PRIMPOL: variants seen among roughly 807,000 people sequenced by gnomAD.
The protein encoded by PRIMPOL is primase and DNA directed polymerase.
Under a neutral mutation model 63.6 loss-of-function variants are expected in PRIMPOL, and 54 were observed. That is an observed-to-expected ratio of 0.85 (90% CI 0.68 to 1.07). PRIMPOL has a LOEUF of 1.07. PRIMPOL is among the 50% of genes least tolerant of loss of function. The pLI is 0.00. For missense variants in PRIMPOL, 610 were observed against 648.3 expected, an observed-to-expected ratio of 0.94 and a Z score of 0.64; for synonymous variants, 197 against 220.2, an observed-to-expected ratio of 0.89 and a Z score of 0.93.
At chr4:184,693,816 C>T (rs539003981) in intron 13 of PRIMPOL, among the ~76,000 whole-genome samples, 35 of 152,294 alleles carry the variant, frequency 2.3e-4, no homozygotes, top group African/African-American at 7.5e-4. Context: ...TATTTAAGCA[C>T]GTAGCGGAAA....
At chr4:184,689,016 C>A (rs1179604088) in intron 11 of PRIMPOL, among the ~76,000 whole-genome samples, 2 of 151,196 alleles carry the variant, frequency 1.3e-5, no homozygotes, top group East Asian at 1.9e-4. Flanking sequence ...TTCTTAAATA[C>A]AATTACTTAT....
intron 6 of PRIMPOL, among the ~76,000 whole-genome samples, chr4:184,670,669 C>T (rs959380125): frequency 1.3e-5 from 2 of 151,970 alleles, no homozygotes; most frequent in Non-Finnish European, 1.5e-5. Flanking sequence ...TTGCCTCAGC[C>T]TCCAGGTAGC....
chr4:184,677,691 T>C (rs1754490484), intron 7 of PRIMPOL, among the ~76,000 whole-genome samples: 1 of 152,212 alleles, frequency 6.6e-6, no homozygotes, highest in South Asian at 2.1e-4. Context: ...GCTAGAATTT[T>C]TATTTGGATT....
intron 5 of PRIMPOL, among the ~76,000 whole-genome samples, chr4:184,662,483 T>C (rs1438736588): frequency 6.6e-6 from 1 of 152,164 alleles, no homozygotes; most frequent in Non-Finnish European, 1.5e-5. Flanking sequence ...AGTTCTTTAT[T>C]TTTGATTTAG....
intron 2 of PRIMPOL, among the ~76,000 whole-genome samples, chr4:184,654,895 A>G (rs1745867202): frequency 6.6e-6 from 1 of 152,158 alleles, no homozygotes. Context: ...TGGATTAGGT[A>G]TAACTCTGAG....
chr4:184,669,078 T>C (rs1433517473), intron 6 of PRIMPOL, among the ~76,000 whole-genome samples: 1 of 152,140 alleles, frequency 6.6e-6, no homozygotes, highest in Non-Finnish European at 1.5e-5. Context: ...CTCCTTACCA[T>C]TCGTGCATTC....
intron 6 of PRIMPOL, 150 bp downstream of exon 6, chr4:184,666,214 C>T (rs1749841980): frequency 3.4e-6 from 2 of 580,976 alleles, no homozygotes; most frequent in Admixed American, 7.2e-5. Context: ...TGGCTCACAC[C>T]TGCAATTCTA....
At chr4:184,650,255 A>C (rs1743829130) in intron 1 of PRIMPOL, among the ~76,000 whole-genome samples, 1 of 152,268 alleles carries the variant, frequency 6.6e-6, no homozygotes, top group African/African-American at 2.4e-5. Context: ...GTAGCATTTA[A>C]CATCATGAGG....
In PRIMPOL at chr4:184,676,020, A is replaced by C. The variant is rs138308461; in HGVS notation, c.845-2212A>C. 5.6e-4 allele frequency among the ~76,000 whole-genome samples: 86 copies of C among 152,248 alleles called. 2 individuals carry two copies. The East Asian group carries it at 0.015, about 27-fold the overall frequency. On this transcript the variant is annotated intron_variant, in intron 7 of 13. Coordinates refer to ENST00000314970, the MANE Select transcript of PRIMPOL (RefSeq NM_152683.4). Reference sequence around the variant, plus strand: ...TTCCTCTGTGGTCAGTGTTTCTTGCATCTTGTTAAAGAAACGTGGCCTATC... The same window carrying C: ...TTCCTCTGTGGTCAGTGTTTCTTGCCTCTTGTTAAAGAAACGTGGCCTATC...
At chr4:184,689,578 G>A (rs868317535) in intron 11 of PRIMPOL, among the ~76,000 whole-genome samples, 13 of 126,074 alleles carry the variant, frequency 1.0e-4, no homozygotes, top group African/African-American at 3.5e-4. Flanking sequence ...TCAGCCCCCC[G>A]AGTAGCTGGG....
intron 1 of PRIMPOL, among the ~76,000 whole-genome samples, chr4:184,651,206 G>A (rs1744304643): frequency 6.6e-6 from 1 of 151,852 alleles, no homozygotes; most frequent in Admixed American, 6.6e-5. Flanking sequence ...CAGGAGAATC[G>A]CTTGAACCCG....
rs1760131147 is a variant in PRIMPOL at position 184,694,711 on chromosome 4, C to T, written c.1615C>T (p.Leu539Phe). The change falls in exon 14 of 14, where the codon CTT (leucine) becomes TTT (phenylalanine). Residue 539 changes from leucine (L) to phenylalanine (F), a missense_variant. Physicochemically the swap from Leu to Phe is conservative, Grantham distance 22 (BLOSUM62 0). This residue lies in a region of PRIMPOL where 444 missense variants were observed against 456.4 expected (regional missense o/e 0.97). Coordinates refer to ENST00000314970, the MANE Select transcript of PRIMPOL (RefSeq NM_152683.4). ...ATTAGCTGAAGCTGCAGAGAACAGT[C>T]TTCTCAGTTATAACAGTGAAGTGGA... ...AELAEAAENS[L>F]LSYNSEVDEI... 8 of 1,613,108 alleles carry T rather than the reference C, an allele frequency of 5.0e-6. No individual in the cohort carries two copies. The highest frequency in any genetic ancestry group is 5.9e-6 in the Non-Finnish European group (7 of 1,179,166).
intron 8 of PRIMPOL, among the ~76,000 whole-genome samples, chr4:184,681,386 A>G (rs951515646): frequency 6.6e-6 from 1 of 152,124 alleles, no homozygotes; most frequent in African/African-American, 2.4e-5. Flanking sequence ...TGTGGATACA[A>G]AAATCTGCAG....
rs540991483 is a variant in PRIMPOL at position 184,661,654 on chromosome 4, C to T, written c.279-120C>T. On this transcript the variant is annotated intron_variant, in intron 4 of 13. Coordinates refer to ENST00000314970, the MANE Select transcript of PRIMPOL (RefSeq NM_152683.4). ...CCAGGAGGAGGAGGTTGCAGTGAAC[C>T]GAGATCACACCACTGCAGTCCAGCC... The T allele has an allele frequency of 2.5e-5, 14 of 554,988 alleles. 1 individual carries two copies. The highest frequency in any genetic ancestry group is 3.5e-5 in the East Asian group (1 of 28,714). 34.4% of individuals were successfully genotyped at this position (554,988 alleles called of 1,614,324 possible).
At chr4:184,688,840 A>G (rs1434755579) in intron 11 of PRIMPOL, among the ~76,000 whole-genome samples, 2 of 152,138 alleles carry the variant, frequency 1.3e-5, no homozygotes, top group Non-Finnish European at 2.9e-5. Context: ...TTCTTGGTTC[A>G]TGGTTCCCCT....
intron 6 of PRIMPOL, among the ~76,000 whole-genome samples, chr4:184,669,119 G>A (rs28446707): frequency 0.043 from 6,488 of 152,178 alleles, 457 homozygotes; most frequent in African/African-American, 0.15. Flanking sequence ...TACCTTTAGG[G>A]ACTTGTCCTA....
intron 11 of PRIMPOL, among the ~76,000 whole-genome samples, chr4:184,690,105 G>A (rs928602991): frequency 7.2e-5 from 11 of 152,204 alleles, no homozygotes; most frequent in African/African-American, 2.6e-4. Flanking sequence ...CATGGGGAGT[G>A]TTAACCATCT....
intron 3 of PRIMPOL, among the ~76,000 whole-genome samples, chr4:184,658,072 CTTTT>C (rs33982215): frequency 3.7e-4 from 51 of 137,942 alleles, no homozygotes; most frequent in African/African-American, 1.2e-3. Context: ...ATTGCACATT[CTTTT>C]TTTTTTTTGG....
rs765114215 is a variant in PRIMPOL at position 184,694,702 on chromosome 4, G to A, written c.1606G>A (p.Glu536Lys). ...TEDAELAEAAENSLLSYNSEV... is the reference protein window; with the variant it reads ...TEDAELAEAAKNSLLSYNSEV... ...AGATGCTGAATTAGCTGAAGCTGCA[G>A]AGAACAGTCTTCTCAGTTATAACAG... The change falls in exon 14 of 14, where the codon GAG (glutamate) becomes AAG (lysine). Residue 536 changes from glutamate (E) to lysine (K), a missense_variant. Transcript: ENST00000314970. 5 of 1,613,868 alleles carry A rather than the reference G, an allele frequency of 3.1e-6. No individual in the cohort carries two copies. Among genetic ancestry groups the A allele is most frequent in the Non-Finnish European group, 4.2e-6 (5 of 1,179,748 alleles).
Sources: gnomAD v4.1 joint callset for allele counts (sites outside exome capture counted in the v4.1 genomes callset) on GRCh38, gnomAD v4.1.1 for gene constraint, gnomAD v4.1.1 regional missense constraint, MANE v1.5 for transcripts, NCBI Gene and HGNC (gene_info 2026-07-23, HGNC 2026-07-21) for gene names.